Variants in AOPEP observed in about 807,000 individuals in gnomAD.
The protein encoded by AOPEP is aminopeptidase O (putative).
In AOPEP, 77 loss-of-function variants were observed where a neutral mutation model predicts 98.1. The ratio of observed to expected loss-of-function variants is 0.78; its 90% CI spans 0.65 to 0.95. The LOEUF is 0.95. AOPEP is among the 40% of genes least tolerant of loss of function. AOPEP has a pLI of 0.00. For synonymous variants in AOPEP, 346 were observed against 365.3 expected (o/e 0.95, Z 0.60); for missense variants, 1,024 against 1,024.7 (o/e 1.00, Z 0.01).
At chr9:95,117,418 C>G in the AOPEP span, 8 of 1,597,990 alleles carry the variant, frequency 5.0e-6, no homozygotes, top group African/African-American at 1.3e-5. Context: ...ATCCAAAGAG[C>G]ATGAACATTA....
At chr9:95,134,600 C>T in the AOPEP span, among the ~76,000 whole-genome samples, 2 of 152,200 alleles carry the variant, frequency 1.3e-5, no homozygotes, top group African/African-American at 4.8e-5. Flanking sequence ...GGCTGCGGGA[C>T]CATGGCACCT....
chr9:95,084,514 T>TA (rs1213219984), intron 16 of AOPEP, among the ~76,000 whole-genome samples: 1 of 152,194 alleles, frequency 6.6e-6, no homozygotes, highest in East Asian at 1.9e-4. Flanking sequence ...GTAATCAGTG[T>TA]AAATGGTGTT....
At chr9:94,730,352 C>T (rs1004107898) in intron 1 of AOPEP, among the ~76,000 whole-genome samples, 1 of 142,612 alleles carries the variant, frequency 7.0e-6, no homozygotes, top group African/African-American at 2.7e-5. Flanking sequence ...ATTTTATAAA[C>T]AGATTAATAT....
chr9:94,999,503 AC>A (rs990382683), intron 11 of AOPEP, among the ~76,000 whole-genome samples: 4 of 152,228 alleles, frequency 2.6e-5, no homozygotes, highest in African/African-American at 9.6e-5. Context: ...ATGGCTCCTC[AC>A]AGAAAATTAC....
intron 14 of AOPEP, among the ~76,000 whole-genome samples, chr9:95,077,507 T>C (rs1389485761): frequency 1.3e-5 from 2 of 152,172 alleles, no homozygotes; most frequent in Non-Finnish European, 2.9e-5. Context: ...ATTTTTATTC[T>C]GACTGAGGAA....
At chr9:94,873,049 C>T (rs1217751792) in intron 5 of AOPEP, among the ~76,000 whole-genome samples, 4 of 150,790 alleles carry the variant, frequency 2.7e-5, no homozygotes, top group South Asian at 2.1e-4. Flanking sequence ...TAGGTTGAGG[C>T]GGATAGCAGA....
chr9:94,941,742 G>A (rs1483446231), intron 7 of AOPEP, among the ~76,000 whole-genome samples: 2 of 152,126 alleles, frequency 1.3e-5, no homozygotes, highest in Non-Finnish European at 2.9e-5. Context: ...TTCTAAGGGG[G>A]AGAGAATTCT....
In AOPEP at chr9:95,059,878, C is replaced by A. The variant is rs757842266; in HGVS notation, c.2116-816C>A. On this transcript the variant is annotated intron_variant, in intron 13 of 16. Transcript: ENST00000375315. ...TCTCAAATTGATTCTTCCTCCAGTG[C>A]ACTACAGGGCCGATCTCACAGGGCC... is the stretch of plus-strand genomic sequence containing the variant. Among the ~76,000 whole-genome samples the A allele has an allele frequency of 6.4e-4, 97 of 152,204 alleles. 2 individuals are homozygous for A. The highest frequency in any genetic ancestry group is 6.6e-4 in the Non-Finnish European group (45 of 68,038).
At chr9:94,901,664 G>A (rs1444666440) in intron 5 of AOPEP, among the ~76,000 whole-genome samples, 1 of 152,156 alleles carries the variant, frequency 6.6e-6, no homozygotes, top group Non-Finnish European at 1.5e-5. Flanking sequence ...GAGAAGGCTG[G>A]GTGCAGTGGC....
At chr9:94,846,965 T>C (rs1023636492) in intron 5 of AOPEP, among the ~76,000 whole-genome samples, 1 of 152,022 alleles carries the variant, frequency 6.6e-6, no homozygotes, top group African/African-American at 2.4e-5. Flanking sequence ...TAGTGGATGA[T>C]TGCAGTGACC....
chr9:95,125,098 T>C, the AOPEP span: 1 of 1,614,130 alleles, frequency 6.2e-7, no homozygotes, highest in Non-Finnish European at 8.5e-7. Flanking sequence ...GCTTGCTTGC[T>C]TTCTCCAGAG....
intron 13 of AOPEP, among the ~76,000 whole-genome samples, chr9:95,025,594 T>C (rs987246929): frequency 2.0e-5 from 3 of 152,258 alleles, no homozygotes; most frequent in African/African-American, 7.2e-5. Flanking sequence ...TTATTGGGCA[T>C]GGGCTGCCTG....
chr9:95,029,073 G>A (rs950711970), intron 13 of AOPEP, among the ~76,000 whole-genome samples: 3 of 152,190 alleles, frequency 2.0e-5, no homozygotes, highest in Non-Finnish European at 2.9e-5. Context: ...AGCTGTCCTC[G>A]TTTGCTGAAA....
chr9:95,007,353 T>C (rs1039141832), intron 13 of AOPEP, among the ~76,000 whole-genome samples: 2 of 140,074 alleles, frequency 1.4e-5, no homozygotes, highest in African/African-American at 5.1e-5. Flanking sequence ...ATGACCTGAC[T>C]ACTGGGTCTC....
the AOPEP span, chr9:95,100,776 G>A: frequency 4.4e-6 from 1 of 225,302 alleles, no homozygotes; most frequent in Non-Finnish European, 8.8e-6. Context: ...GATTACAGAT[G>A]CATGCCATTG....
chr9:94,856,225 C>T (rs1225371446), intron 5 of AOPEP, among the ~76,000 whole-genome samples: 1 of 152,152 alleles, frequency 6.6e-6, no homozygotes, highest in East Asian at 1.9e-4. Context: ...AGTGTTAGCA[C>T]AGGTTTTTTT....
intron 2 of AOPEP, chr9:94,762,990 A>C: frequency 4.2e-6 from 1 of 240,824 alleles, no homozygotes; most frequent in South Asian, 4.9e-5. Context: ...TTATTCCTCC[A>C]CGGGACAGAG....
intron 13 of AOPEP, among the ~76,000 whole-genome samples, chr9:95,043,166 T>G (rs1224339020): frequency 6.6e-6 from 1 of 151,380 alleles, no homozygotes; most frequent in Non-Finnish European, 1.5e-5. Flanking sequence ...TGTAGTTTTC[T>G]TACAGCTTCT....
the AOPEP span, chr9:95,123,876 A>G: frequency 1.8e-6 from 1 of 543,496 alleles, no homozygotes; most frequent in Admixed American, 2.3e-5. Flanking sequence ...TAAGGAGTTG[A>G]GTCCTTAAAG....
Sources: gnomAD v4.1 joint callset for allele counts (sites outside exome capture counted in the v4.1 genomes callset) on GRCh38, gnomAD v4.1.1 for gene constraint, MANE v1.5 for transcripts, NCBI Gene and HGNC (gene_info 2026-07-23, HGNC 2026-07-21) for gene names.